The following DOCK3 variants were observed in gnomAD, a reference collection of about 807,000 sequenced individuals.
The protein encoded by DOCK3 is dedicator of cytokinesis protein 3.
A neutral mutation model predicts 265.6 loss-of-function variants in DOCK3; 60 were observed. The ratio of observed to expected loss-of-function variants is 0.23; its 90% CI spans 0.18 to 0.28. The LOEUF (loss-of-function observed/expected upper bound fraction) is 0.28. DOCK3 is among the 10% of genes least tolerant of loss of function. DOCK3 has a pLI of 1.00. For missense variants in DOCK3, 1,981 were observed against 2,594.3 expected (o/e 0.76, Z 5.14); for synonymous variants, 881 against 938.0 (o/e 0.94, Z 1.11).
intron 21 of DOCK3, 143 bp from the exon 22 acceptor site, chr3:51,246,583 C>T (rs956421014): frequency 4.1e-6 from 3 of 725,724 alleles, no homozygotes. Context: ...CCTGAATAGT[C>T]CAAAGCTGTA....
intron 7 of DOCK3, among the ~76,000 whole-genome samples, chr3:51,078,342 C>T (rs567232409): frequency 6.6e-6 from 1 of 152,092 alleles, no homozygotes; most frequent in South Asian, 2.1e-4. Context: ...GGAGAGAAAA[C>T]GTTTAAAAGT....
intron 49 of DOCK3, among the ~76,000 whole-genome samples, chr3:51,363,525 A>G (rs2086892295): frequency 6.6e-6 from 1 of 152,256 alleles, no homozygotes; most frequent in African/African-American, 2.4e-5. Flanking sequence ...TCTATGGTAC[A>G]TGTGCACAAC....
intron 9 of DOCK3, among the ~76,000 whole-genome samples, chr3:51,141,097 CT>C (rs1284156393): frequency 6.6e-6 from 1 of 151,598 alleles, no homozygotes; most frequent in Non-Finnish European, 1.5e-5. Flanking sequence ...AATGAAGTCC[CT>C]TTTTTTGTTG....
intron 1 of DOCK3, among the ~76,000 whole-genome samples, chr3:50,686,060 G>A (rs892247204): frequency 6.6e-6 from 1 of 152,018 alleles, no homozygotes; most frequent in African/African-American, 2.4e-5. Flanking sequence ...CATTTATTGT[G>A]TACTTTATTT....
intron 27 of DOCK3, among the ~76,000 whole-genome samples, chr3:51,282,653 CAAAAAAAAAA>C (rs1198884358): frequency 1.2e-5 from 1 of 81,496 alleles, no homozygotes; most frequent in African/African-American, 4.6e-5. Context: ...AACTCTGTCT[CAAAAAAAAAA>C]AAAAAAGAAA....
At position 51,260,148 on chromosome 3, in the gene DOCK3, C is replaced by T. The variant is rs764633611; in HGVS notation, c.2185-8C>T. On this transcript the variant is annotated splice_polypyrimidine_tract_variant and splice_region_variant and intron_variant, in intron 22 of 52. Coordinates refer to ENST00000266037, the MANE Select transcript of DOCK3 (RefSeq NM_004947.5). ...TCTCTCCATCACTTTTTCTCCCACA[C>T]TTTTCAGGCCTTGGAGTACCTTTTC... 5.6e-6 allele frequency: 9 copies of T among 1,609,856 alleles called. No homozygotes were observed. Among genetic ancestry groups the T allele is most frequent in the Middle Eastern group, 3.3e-4 (2 of 6,062 alleles).
At chr3:51,187,353 G>T (rs2087669247) in intron 12 of DOCK3, among the ~76,000 whole-genome samples, 1 of 152,246 alleles carries the variant, frequency 6.6e-6, no homozygotes, top group South Asian at 2.1e-4. Flanking sequence ...TTTACCCAAA[G>T]CCTGTACCCC....
At chr3:50,953,666 GA>G (rs1341517518) in intron 5 of DOCK3, among the ~76,000 whole-genome samples, 1 of 151,938 alleles carries the variant, frequency 6.6e-6, no homozygotes, top group Admixed American at 6.6e-5. Flanking sequence ...TGGGAGGAAT[GA>G]AAAAAATGTG....
At chr3:51,284,464 A>G (rs981801031) in intron 27 of DOCK3, among the ~76,000 whole-genome samples, 3 of 152,156 alleles carry the variant, frequency 2.0e-5, no homozygotes, top group African/African-American at 7.2e-5. Context: ...GCATTTATTA[A>G]TCTCCCTAGA....
At chr3:50,761,084 T>G (rs2040500040) in intron 1 of DOCK3, among the ~76,000 whole-genome samples, 1 of 150,044 alleles carries the variant, frequency 6.7e-6, no homozygotes, top group African/African-American at 2.4e-5. Context: ...CTGGATGGAT[T>G]CTTTATTAAA....
intron 12 of DOCK3, among the ~76,000 whole-genome samples, chr3:51,203,943 G>A (rs2088989215): frequency 6.6e-6 from 1 of 152,136 alleles, no homozygotes. Flanking sequence ...AAATGGTGCT[G>A]GGAAAATTGG....
At chr3:50,745,317 A>G (rs923009236) in intron 1 of DOCK3, among the ~76,000 whole-genome samples, 1 of 152,094 alleles carries the variant, frequency 6.6e-6, no homozygotes. Context: ...AAGTGCTGGG[A>G]TGACAGGCTG....
chr3:50,977,152 T>G (rs1327708494), intron 5 of DOCK3, among the ~76,000 whole-genome samples: 2 of 151,690 alleles, frequency 1.3e-5, no homozygotes, highest in African/African-American at 4.8e-5. Flanking sequence ...CATTTAAAGT[T>G]AATATTGTTA....
At chr3:50,947,522 T>C (rs1362712737) in intron 5 of DOCK3, among the ~76,000 whole-genome samples, 2 of 152,136 alleles carry the variant, frequency 1.3e-5, no homozygotes, top group African/African-American at 4.8e-5. Flanking sequence ...ATCAGTATAG[T>C]TGTATGGGAA....
chr3:51,123,446 T>C (rs555664956), intron 9 of DOCK3, among the ~76,000 whole-genome samples: 1 of 152,320 alleles, frequency 6.6e-6, no homozygotes, highest in Admixed American at 6.5e-5. Context: ...TTAGTGATTA[T>C]TCACTACAAG....
chr3:51,200,452 C>A (rs1210107400), intron 12 of DOCK3, among the ~76,000 whole-genome samples: 1 of 11,808 alleles, frequency 8.5e-5, no homozygotes. Flanking sequence ...TGAAATGAAG[C>A]GAGAAGGGAA....
At chr3:50,914,744 T>C (rs1425021374) in intron 4 of DOCK3, among the ~76,000 whole-genome samples, 1 of 152,158 alleles carries the variant, frequency 6.6e-6, no homozygotes, top group African/African-American at 2.4e-5. Context: ...TGTTTCTTTG[T>C]TGATTTTCTG....
Position 50,731,506 on chromosome 3 carries a change from A to G in DOCK3, c.38-47169A>G, listed in dbSNP as rs117044879. Among the ~76,000 whole-genome samples, 6 of 152,248 alleles carry G rather than the reference A, an allele frequency of 3.9e-5. No individual in the cohort carries two copies. The East Asian group carries it at 1.2e-3, about 29-fold the overall frequency. Reference sequence around the variant, plus strand: ...GTGTAGGGGAAAGGGTATATGAGAAATCTCTATACCTTTTTCTTAATTTTC... The same window carrying G: ...GTGTAGGGGAAAGGGTATATGAGAAGTCTCTATACCTTTTTCTTAATTTTC... On this transcript the variant is annotated intron_variant, in intron 1 of 52. Transcript: ENST00000266037.
rs1410728990 is a variant in DOCK3, at chr3:51,379,578, A to C, written c.5501-547A>C. 4 of 985,352 alleles carry C rather than the reference A, an allele frequency of 4.1e-6. No individual in the cohort carries two copies. In the African/African-American group the frequency reaches 5.2e-5, roughly 13 times the overall value. The allele number at this position is 985,352 out of a possible 1,614,324, so 61.0% of individuals were successfully genotyped here. A position where few individuals can be genotyped will look rare whatever the true frequency, so the allele number is the denominator to read the frequency against. On this transcript the variant is annotated intron_variant, in intron 51 of 52. Coordinates refer to ENST00000266037, the MANE Select transcript of DOCK3 (RefSeq NM_004947.5). ...CCCCGAAGCCTGCTGCATGGTAAGA[A>C]GACCTCCAGCGGGTCCCCCGATAGT...
Sources: allele counts gnomAD v4.1 joint callset (sites outside exome capture counted in the v4.1 genomes callset), GRCh38; gene constraint gnomAD v4.1.1; transcripts MANE v1.5; gene names NCBI Gene and HGNC (gene_info 2026-07-23, HGNC 2026-07-21).